SVIL: variants seen among roughly 807,000 people sequenced by gnomAD.
The protein encoded by SVIL is supervillin.
SVIL carries 101 observed loss-of-function variants against 240.4 expected under a neutral mutation model. The ratio of observed to expected loss-of-function variants is 0.42; its 90% CI spans 0.36 to 0.50. The LOEUF is 0.50. Ranked by LOEUF, SVIL falls within the 20% of genes least tolerant of loss-of-function variation. The probability of loss-of-function intolerance (pLI) is 0.01; values close to 1 mark genes in which losing one functional copy is unlikely to be tolerated. For missense variants in SVIL, 2,512 were observed against 2,818.7 expected (o/e 0.89, Z 2.46); for synonymous variants, 999 against 1,100.0 (o/e 0.91, Z 1.82).
chr10:29,506,726 C>CAGAGGCCCTA (rs1949349927), intron 17 of SVIL, among the ~76,000 whole-genome samples: 3 of 82,636 alleles, frequency 3.6e-5, no homozygotes, highest in Non-Finnish European at 8.6e-5. Context: ...AGAGACTCTA[C>CAGAGGCCCTA]GAAGGAGGGG....
chr10:29,702,327 C>T (rs1161162920), intron 1 of SVIL, among the ~76,000 whole-genome samples: 1 of 136,190 alleles, frequency 7.3e-6, no homozygotes, highest in Non-Finnish European at 1.6e-5. Context: ...AAAAAAAATC[C>T]ACATTCAACA....
intron 1 of SVIL, among the ~76,000 whole-genome samples, chr10:29,574,134 A>G (rs999379598): frequency 4.6e-5 from 7 of 152,234 alleles, no homozygotes; most frequent in African/African-American, 1.7e-4. Context: ...ACTGAGAAGC[A>G]CTAATCTTAC....
At chr10:29,485,487 T>C (rs996588854) in intron 26 of SVIL, among the ~76,000 whole-genome samples, 1 of 152,254 alleles carries the variant, frequency 6.6e-6, no homozygotes, top group African/African-American at 2.4e-5. Flanking sequence ...TGTAAAATTA[T>C]TCCTGAAGGT....
chr10:29,688,322 G>A (rs139775345), intron 1 of SVIL, among the ~76,000 whole-genome samples: 2 of 152,332 alleles, frequency 1.3e-5, no homozygotes, highest in Admixed American at 6.5e-5. Context: ...CCAGTGCAAC[G>A]TCAGAAGCCA....
At chr10:29,543,364 A>C (rs1241662098) in intron 6 of SVIL, among the ~76,000 whole-genome samples, 1 of 152,196 alleles carries the variant, frequency 6.6e-6, no homozygotes, top group Admixed American at 6.5e-5. Flanking sequence ...TGCAGGACGC[A>C]GGGGGACCAT....
intron 6 of SVIL, among the ~76,000 whole-genome samples, chr10:29,536,276 C>T (rs192547224): frequency 7.2e-5 from 11 of 152,112 alleles, no homozygotes; most frequent in African/African-American, 2.7e-4. Context: ...GGCAGGAGGG[C>T]GGGGATGGAA....
chr10:29,556,967 T>A (rs74874698), intron 3 of SVIL, among the ~76,000 whole-genome samples: 4,343 of 152,284 alleles, frequency 0.029, 202 homozygotes, highest in African/African-American at 0.099. Context: ...CAAGGGTGCC[T>A]AAAAGGTACG....
At chr10:29,572,572 C>T (rs1461091946) in intron 1 of SVIL, among the ~76,000 whole-genome samples, 3 of 151,968 alleles carry the variant, frequency 2.0e-5, no homozygotes, top group African/African-American at 7.2e-5. Context: ...CAAGACTGGT[C>T]TGGGCAACAT....
intron 6 of SVIL, among the ~76,000 whole-genome samples, chr10:29,540,770 TCC>T (rs1451658786): frequency 6.6e-6 from 1 of 152,172 alleles, no homozygotes; most frequent in African/African-American, 2.4e-5. Context: ...TAGTGCCGTT[TCC>T]ACCGTCAGAA....
At chr10:29,572,860 T>C (rs1955508352) in intron 1 of SVIL, among the ~76,000 whole-genome samples, 1 of 151,988 alleles carries the variant, frequency 6.6e-6, no homozygotes, top group South Asian at 2.1e-4. Flanking sequence ...TAATCCTTTA[T>C]AAAGAATGTA....
At chr10:29,725,480 C>T (rs1224279811) in intron 1 of SVIL, among the ~76,000 whole-genome samples, 3 of 152,066 alleles carry the variant, frequency 2.0e-5, no homozygotes, top group Admixed American at 6.5e-5. Flanking sequence ...ATGAGATTTC[C>T]GAGAGCCTGT....
chr10:29,666,109 G>T (rs569452039), intron 2 of SVIL, among the ~76,000 whole-genome samples: 1 of 152,166 alleles, frequency 6.6e-6, no homozygotes, highest in South Asian at 2.1e-4. Context: ...ATAAAGACAG[G>T]GTTTCACTAT....
chr10:29,569,905 C>A (rs1284215174), intron 1 of SVIL, among the ~76,000 whole-genome samples: 1 of 152,198 alleles, frequency 6.6e-6, no homozygotes, highest in East Asian at 1.9e-4. Flanking sequence ...ACAGGAAAAA[C>A]ATCCCAAAGG....
chr10:29,512,934 T>C, intron 16 of SVIL, 73 bp from the exon 17 acceptor site: 2 of 1,549,314 alleles, frequency 1.3e-6, no homozygotes, highest in Non-Finnish European at 8.7e-7. Context: ...ATAATCTAGG[T>C]AAGAGAGGCG....
At chr10:29,665,451 T>C (rs767449792) in intron 2 of SVIL, among the ~76,000 whole-genome samples, 6 of 152,206 alleles carry the variant, frequency 3.9e-5, no homozygotes, top group South Asian at 2.1e-4. Context: ...TAAATTATTA[T>C]GCTAGGCCTT....
At chr10:29,463,068 C>G (rs1944450537) in intron 35 of SVIL, among the ~76,000 whole-genome samples, 1 of 152,146 alleles carries the variant, frequency 6.6e-6, no homozygotes, top group South Asian at 2.1e-4. Flanking sequence ...AAAAGGTTGG[C>G]AATGGCCGTT....
intron 1 of SVIL, among the ~76,000 whole-genome samples, chr10:29,693,753 C>A (rs992019054): frequency 1.3e-5 from 2 of 152,172 alleles, no homozygotes; most frequent in African/African-American, 4.8e-5. Context: ...TGAGAAAAGC[C>A]AGGATACTAA....
At chr10:29,607,918 C>T (rs929246297) in intron 1 of SVIL, among the ~76,000 whole-genome samples, 3 of 152,240 alleles carry the variant, frequency 2.0e-5, no homozygotes, top group African/African-American at 7.2e-5. Context: ...GGCTCTTTCC[C>T]ATCAAGCTTC....
At chr10:29,498,685 A>C (rs1948644636) in intron 18 of SVIL, among the ~76,000 whole-genome samples, 1 of 152,200 alleles carries the variant, frequency 6.6e-6, no homozygotes, top group Admixed American at 6.5e-5. Flanking sequence ...TAAGTTTAAA[A>C]AATTTTAAAA....
Sources: allele counts gnomAD v4.1 joint callset (sites outside exome capture counted in the v4.1 genomes callset), GRCh38; gene constraint gnomAD v4.1.1; transcripts MANE v1.5; gene names NCBI Gene and HGNC (gene_info 2026-07-23, HGNC 2026-07-21).